Variants in MYRIP observed in about 807,000 individuals in gnomAD.
The protein encoded by MYRIP is myosin VIIA and Rab interacting protein.
MYRIP carries 49 observed loss-of-function variants against 98.0 expected under a neutral mutation model. The ratio of observed to expected loss-of-function variants is 0.50; its 90% CI spans 0.40 to 0.63. The LOEUF (loss-of-function observed/expected upper bound fraction) is 0.63, where lower values mean the gene tolerates loss of function less well. Ranked by LOEUF, MYRIP falls within the 30% of genes least tolerant of loss-of-function variation. MYRIP has a pLI of 0.00. For synonymous variants in MYRIP, 404 were observed against 409.5 expected (o/e 0.99, Z 0.16); for missense variants, 1,004 against 1,058.2 (o/e 0.95, Z 0.71).
At position 40,057,625 on chromosome 3, in the gene MYRIP, G is replaced by A. The variant is rs148962928; in HGVS notation, c.332+13354G>A. Among the ~76,000 whole-genome samples the A allele has an allele frequency of 1.7e-3, 258 of 152,228 alleles. 1 individual carries two copies. The highest frequency in any genetic ancestry group is 6.0e-3 in the African/African-American group (248 of 41,552). On this transcript the variant is annotated intron_variant, in intron 3 of 16. Transcript: ENST00000302541. ...CAGAACTCATACTTTCTCTGTCTTA[G>A]TGGTGCACACATGGAATGATGGAGC...
Position 39,901,069 on chromosome 3 carries a change from G to C in MYRIP, c.110+143G>C, listed in dbSNP as rs911036206. On this transcript the variant is annotated intron_variant, in intron 2 of 16. Coordinates refer to ENST00000302541, the MANE Select transcript of MYRIP (RefSeq NM_015460.4). The stretch of plus-strand genomic sequence containing the variant: ...CAGAATGTCCTGTCCTTTGTAGAAA[G>C]GTTTGCCAGTTTCAGAAATGTCAGT... The C allele has an allele frequency of 2.0e-5, 12 of 614,452 alleles. No homozygotes were observed. The African/African-American group carries it at 2.2e-4, about 11-fold the overall frequency. 38.1% of individuals were successfully genotyped at this position (614,452 alleles called of 1,614,324 possible).
intron 3 of MYRIP, among the ~76,000 whole-genome samples, chr3:40,117,522 C>T (rs1201302272): frequency 1.3e-5 from 2 of 152,170 alleles, no homozygotes; most frequent in African/African-American, 4.8e-5. Flanking sequence ...ATTCACTACT[C>T]ATGTCCAGTG....
At chr3:40,212,946 A>T (rs1325941416) in intron 11 of MYRIP, among the ~76,000 whole-genome samples, 1 of 152,136 alleles carries the variant, frequency 6.6e-6, no homozygotes, top group East Asian at 1.9e-4. Flanking sequence ...AATAAAAGGA[A>T]AAAGAAAAAC....
At chr3:40,014,880 C>T (rs1053795248) in intron 2 of MYRIP, among the ~76,000 whole-genome samples, 1 of 152,158 alleles carries the variant, frequency 6.6e-6, no homozygotes, top group Non-Finnish European at 1.5e-5. Context: ...CAGTTTTTGT[C>T]TGGGCTTGAG....
chr3:40,017,996 A>G (rs1946906980), intron 2 of MYRIP, among the ~76,000 whole-genome samples: 1 of 152,196 alleles, frequency 6.6e-6, no homozygotes, highest in African/African-American at 2.4e-5. Flanking sequence ...ATGCAAAATG[A>G]GAGAATTGAG....
chr3:39,853,180 G>A (rs549977990), intron 1 of MYRIP, among the ~76,000 whole-genome samples: 5 of 152,244 alleles, frequency 3.3e-5, no homozygotes, highest in Admixed American at 2.0e-4. Flanking sequence ...GGCTGGTTCC[G>A]TATTTTTGCA....
intron 16 of MYRIP, 56 bp downstream of exon 16, chr3:40,252,055 C>T (rs1953393088): frequency 2.3e-6 from 3 of 1,309,762 alleles, no homozygotes; most frequent in Non-Finnish European, 3.3e-6. Context: ...GGTACCTCCA[C>T]TCTGCAGCCT....
chr3:40,145,131 G>A (rs1403387624), intron 3 of MYRIP, among the ~76,000 whole-genome samples: 2 of 152,194 alleles, frequency 1.3e-5, no homozygotes, highest in East Asian at 1.9e-4. Flanking sequence ...GACTTAGAGG[G>A]ATTAAGTAAT....
chr3:40,087,593 G>C (rs1289112478), intron 3 of MYRIP, among the ~76,000 whole-genome samples: 1 of 152,176 alleles, frequency 6.6e-6, no homozygotes, highest in African/African-American at 2.4e-5. Flanking sequence ...GGTAGCCAAT[G>C]TTTAACTAGT....
chr3:40,155,199 T>A (rs1318667467), intron 4 of MYRIP, among the ~76,000 whole-genome samples: 11 of 143,256 alleles, frequency 7.7e-5, no homozygotes, highest in African/African-American at 2.6e-4. Context: ...TGTCCATGTG[T>A]TCTCATTGTT....
At chr3:39,927,951 T>C (rs921538887) in intron 2 of MYRIP, among the ~76,000 whole-genome samples, 1 of 151,990 alleles carries the variant, frequency 6.6e-6, no homozygotes, top group African/African-American at 2.4e-5. Flanking sequence ...ATCATCTCAA[T>C]AGACGTAGAG....
chr3:39,847,771 C>T (rs1488272683), intron 1 of MYRIP, among the ~76,000 whole-genome samples: 1 of 152,160 alleles, frequency 6.6e-6, no homozygotes, highest in Non-Finnish European at 1.5e-5. Context: ...CTCCCTGAGC[C>T]TCTCTGGCTG....
intron 2 of MYRIP, among the ~76,000 whole-genome samples, chr3:40,025,358 AT>A (rs570203045): frequency 4.0e-4 from 59 of 148,280 alleles, no homozygotes; most frequent in African/African-American, 4.7e-4. Flanking sequence ...GCCTTGACAG[AT>A]TTTTTTTTTT....
chr3:39,976,169 T>C (rs868055112), intron 2 of MYRIP, among the ~76,000 whole-genome samples: 11 of 151,764 alleles, frequency 7.2e-5, no homozygotes, highest in Admixed American at 3.9e-4. Context: ...GGGCTAATAT[T>C]CAGAATCTAC....
chr3:39,871,885 G>A (rs1350705648), intron 1 of MYRIP, among the ~76,000 whole-genome samples: 2 of 151,824 alleles, frequency 1.3e-5, no homozygotes, highest in Non-Finnish European at 2.9e-5. Flanking sequence ...TGAGTACCAA[G>A]CATTATATGT....
chr3:40,115,249 T>C (rs1163058679), intron 3 of MYRIP, among the ~76,000 whole-genome samples: 1 of 152,162 alleles, frequency 6.6e-6, no homozygotes, highest in African/African-American at 2.4e-5. Context: ...AAAATAAAAT[T>C]AGTATTTTAA....
At chr3:40,250,092 T>TTGAATGAA (rs547316885) in intron 13 of MYRIP, 130 bp from the exon 14 acceptor site, 2 of 711,874 alleles carry the variant, frequency 2.8e-6, no homozygotes, top group Non-Finnish European at 4.7e-6. Context: ...TTGGTAGAAG[T>TTGAATGAA]TGAATGAATG....
In MYRIP at chr3:39,831,374, T is replaced by C. The variant is rs77653850; in HGVS notation, c.-31+21458T>C. ...GCAATAAATATCTCCAAATCAACCT[T>C]CTAAAAGCTGAACTCCTGCTCTTCC... On this transcript the variant is annotated intron_variant, in intron 1 of 16. Coordinates refer to ENST00000302541, the MANE Select transcript of MYRIP (RefSeq NM_015460.4). Among the ~76,000 whole-genome samples the C allele has an allele frequency of 9.6e-3, 1,459 of 152,204 alleles. 21 individuals are homozygous for C. The highest frequency in any genetic ancestry group is 0.033 in the African/African-American group (1,352 of 41,518).
intron 1 of MYRIP, among the ~76,000 whole-genome samples, chr3:39,875,156 T>A (rs1437981869): frequency 2.6e-5 from 4 of 152,154 alleles, no homozygotes; most frequent in Non-Finnish European, 2.9e-5. Context: ...TCTCTGATGG[T>A]AGTTTGTATT....
Sources: gnomAD v4.1 joint callset for allele counts (sites outside exome capture counted in the v4.1 genomes callset) on GRCh38, gnomAD v4.1.1 for gene constraint, MANE v1.5 for transcripts, NCBI Gene and HGNC (gene_info 2026-07-23, HGNC 2026-07-21) for gene names.